IKBKB: variants seen among roughly 807,000 people sequenced by gnomAD.
IKBKB encodes inhibitor of nuclear factor kappa-B kinase subunit beta.
In IKBKB, 42 loss-of-function variants were observed where a neutral mutation model predicts 113.6. The ratio of observed to expected loss-of-function variants is 0.37; its 90% CI spans 0.29 to 0.48. The LOEUF is 0.48. IKBKB is among the 20% of genes least tolerant of loss of function. The pLI is 0.99. For missense variants in IKBKB, 673 were observed against 939.7 expected, an observed-to-expected ratio of 0.72 and a Z score of 3.71; for synonymous variants, 296 against 361.3, an observed-to-expected ratio of 0.82 and a Z score of 2.05.
chr8:42,298,474 A>G, intron 5 of IKBKB: 1 of 985,462 alleles, frequency 1.0e-6, no homozygotes, highest in Non-Finnish European at 1.2e-6. Context: ...GCTCCATTCC[A>G]GGAACTGCAC....
chr8:42,287,583 A>T (rs895490315), intron 2 of IKBKB, among the ~76,000 whole-genome samples: 1 of 152,210 alleles, frequency 6.6e-6, no homozygotes, highest in Non-Finnish European at 1.5e-5. Flanking sequence ...ATAGGAGCCA[A>T]TCTCTGTAGG....
chr8:42,310,864 A>G (rs957572295), intron 8 of IKBKB, among the ~76,000 whole-genome samples: 3 of 152,164 alleles, frequency 2.0e-5, no homozygotes, highest in Admixed American at 2.0e-4. Flanking sequence ...GTTTTTCCTT[A>G]TTATTTGTAA....
At chr8:42,327,571 G>A (rs1821006054) in intron 20 of IKBKB, among the ~76,000 whole-genome samples, 1 of 151,076 alleles carries the variant, frequency 6.6e-6, no homozygotes. Context: ...CTGACCTTGT[G>A]ATCCACCTGC....
In IKBKB at chr8:42,316,754, C is replaced by T; in HGVS notation, c.975C>T (p.Tyr325=). The stretch of plus-strand genomic sequence containing the variant: ...TGGTCACGGGCACCATCCACACCTA[C>T]CCTGTGACAGAGGATGAGAGTCTGC... ...LNMVTGTIHT[Y]PVTEDESLQS... Residue 325 remains tyrosine (Y), a synonymous_variant, in exon 11 of 22, where the codon TAC becomes TAT. Coordinates refer to ENST00000520810, the MANE Select transcript of IKBKB (RefSeq NM_001556.3). This position sits in a 1 kb window ranked among gnomAD's most constrained non-coding sequence, Gnocchi z 4.5. The T allele has an allele frequency of 1.2e-6, 2 of 1,614,146 alleles. No homozygotes were observed. Among genetic ancestry groups the T allele is most frequent in the Non-Finnish European group, 1.7e-6 (2 of 1,180,008 alleles).
At chr8:42,282,402 T>C (rs551184326) in intron 2 of IKBKB, among the ~76,000 whole-genome samples, 11 of 152,342 alleles carry the variant, frequency 7.2e-5, no homozygotes, top group African/African-American at 2.6e-4. Context: ...AGACAGAGTC[T>C]TGCCATATTG....
intron 4 of IKBKB, among the ~76,000 whole-genome samples, chr8:42,291,356 A>G (rs1193456235): frequency 6.6e-6 from 1 of 151,932 alleles, no homozygotes; most frequent in Non-Finnish European, 1.5e-5. Context: ...TAATTTTTGT[A>G]TTTTTAGTAG....
chr8:42,290,192 C>A lies in IKBKB; in HGVS notation c.237C>A (p.Val79=), dbSNP rs768256200. Residue 79 remains valine, a synonymous_variant, in exon 4 of 22, where the codon GTC becomes GTA. Transcript: ENST00000520810. The part of the protein sequence containing the change: ...THPNVVAARD[V]PEGMQNLAPN... ...CCAATGTGGTGGCTGCCCGAGATGT[C>A]CCTGAGGGGATGCAGAACTTGGCGC... 1 of 1,613,824 alleles carries A rather than the reference C, an allele frequency of 6.2e-7. No homozygotes were observed. The highest frequency in any genetic ancestry group is 1.1e-5 in the South Asian group (1 of 90,984).
chr8:42,326,579 C>T, intron 20 of IKBKB: 1 of 157,832 alleles, frequency 6.3e-6, no homozygotes, highest in Non-Finnish European at 1.4e-5. Flanking sequence ...TGCCTTTCTG[C>T]TGCCAGGCCC....
intron 21 of IKBKB, chr8:42,329,697 A>G (rs1209752508): frequency 2.7e-5 from 27 of 985,178 alleles, no homozygotes; most frequent in Non-Finnish European, 3.3e-5. Flanking sequence ...ACTGCTGAGT[A>G]TTTGTGTGTT....
In IKBKB at chr8:42,300,100, A is replaced by T. The variant is rs547466323; in HGVS notation, c.389-5087A>T. On this transcript the variant is annotated intron_variant, in intron 5 of 21. Transcript: ENST00000520810. The stretch of plus-strand genomic sequence containing the variant: ...GAAGTTGTCGCACTTTCGCCTTGGC[A>T]CCCAACGTTACTGCCTTGCTGCCTC... 2.0e-5 allele frequency among the ~76,000 whole-genome samples: 3 copies of T among 152,312 alleles called. No homozygotes were observed. In the East Asian group the frequency reaches 5.8e-4, roughly 29 times the overall value.
At chr8:42,274,691 C>T (rs931600402) in intron 2 of IKBKB, among the ~76,000 whole-genome samples, 4 of 149,858 alleles carry the variant, frequency 2.7e-5, no homozygotes, top group Non-Finnish European at 5.9e-5. Flanking sequence ...TGCCACCACA[C>T]CTGGCTAATT....
At chr8:42,317,209 T>TATAA in intron 11 of IKBKB, 1 of 296,432 alleles carries the variant, frequency 3.4e-6, no homozygotes, top group Non-Finnish European at 6.4e-6. Flanking sequence ...CCAAGTGTAC[T>TATAA]AAAAAAAAAA....
chr8:42,292,329 G>A (rs186136027), intron 4 of IKBKB, among the ~76,000 whole-genome samples: 2 of 152,346 alleles, frequency 1.3e-5, no homozygotes, highest in East Asian at 3.9e-4. Flanking sequence ...CAACGAGCCA[G>A]GGAAGAAGAG....
intron 20 of IKBKB, chr8:42,326,420 GC>G (rs2130715535): frequency 3.8e-6 from 1 of 262,026 alleles, no homozygotes; most frequent in South Asian, 4.3e-5. Flanking sequence ...GAAGCCCTCT[GC>G]CCCCACTCAC....
chr8:42,279,546 C>T (rs886768849), intron 2 of IKBKB, among the ~76,000 whole-genome samples: 9 of 152,176 alleles, frequency 5.9e-5, no homozygotes, highest in African/African-American at 1.7e-4. Context: ...TAGGTATTTA[C>T]GTGCTTTCTC....
rs200548523 is a variant in IKBKB, at chr8:42,332,032, G to A, written c.*1053G>A. On this transcript the variant is annotated 3_prime_UTR_variant, in exon 22 of 22. Coordinates refer to ENST00000520810, the MANE Select transcript of IKBKB (RefSeq NM_001556.3). ...GGAAAATTTTAACAATTTGTATAGTGCCTGGATCATTACTAGTGCCATAAC... is the reference window on the plus strand; with the variant it reads ...GGAAAATTTTAACAATTTGTATAGTACCTGGATCATTACTAGTGCCATAAC... 9.7e-5 allele frequency: 15 copies of A among 154,402 alleles called. No homozygotes were observed. In the South Asian group the frequency reaches 2.8e-3, roughly 29 times the overall value. 9.6% of individuals were successfully genotyped at this position (154,402 alleles called of 1,614,324 possible). A position where few individuals can be genotyped will look rare whatever the true frequency, so the allele number is the denominator to read the frequency against.
At chr8:42,312,359 A>G (rs922337135) in intron 8 of IKBKB, among the ~76,000 whole-genome samples, 5 of 152,236 alleles carry the variant, frequency 3.3e-5, no homozygotes, top group Admixed American at 6.5e-5. Flanking sequence ...CTGCAGAGCC[A>G]TCTTCCTAGA....
In IKBKB at chr8:42,271,428, G is replaced by T. The variant is rs1442259237; in HGVS notation, c.-60G>T. ...TGGCCGCCCCAGCCCCGCCTTCCCC[G>T]CCCCGGGGAGCCCGCCCCCTGCCCC... On this transcript the variant is annotated 5_prime_UTR_variant, in exon 1 of 22. Transcript: ENST00000520810. The T allele has an allele frequency of 3.7e-6, 3 of 808,962 alleles. No homozygotes were observed. The highest frequency in any genetic ancestry group is 2.8e-5 in the South Asian group (2 of 70,200). 50.1% of individuals were successfully genotyped at this position (808,962 alleles called of 1,614,324 possible).
intron 19 of IKBKB, chr8:42,325,612 G>A: frequency 1.1e-6 from 1 of 938,562 alleles, no homozygotes; most frequent in South Asian, 3.8e-5. Context: ...CCCGGAGGTG[G>A]AGGTTGCAGT....
Sources: gnomAD v4.1 joint callset for allele counts (sites outside exome capture counted in the v4.1 genomes callset) on GRCh38, gnomAD v4.1.1 for gene constraint, Gnocchi (gnomAD v3.1) non-coding constraint, MANE v1.5 for transcripts, NCBI Gene and HGNC (gene_info 2026-07-23, HGNC 2026-07-21) for gene names.